Variants in PFAS observed in about 807,000 individuals in gnomAD.
The protein encoded by PFAS is FGAM synthase.
A neutral mutation model predicts 140.6 loss-of-function variants in PFAS; 97 were observed. That is an observed-to-expected ratio of 0.69 (90% CI 0.59 to 0.82). PFAS has a LOEUF of 0.82. Ranked by LOEUF, PFAS falls within the 40% of genes least tolerant of loss-of-function variation. The probability of loss-of-function intolerance (pLI) is 0.00; values close to 1 mark genes in which losing one functional copy is unlikely to be tolerated. For synonymous variants in PFAS, 679 were observed against 718.8 expected (o/e 0.94, Z 0.88); for missense variants, 1,656 against 1,780.2 (o/e 0.93, Z 1.26).
Position 8,258,130 on chromosome 17 carries a change from C to T in PFAS, c.1267C>T (p.Pro423Ser), listed in dbSNP as rs1989448715. 1 of 1,614,098 alleles carries T rather than the reference C, an allele frequency of 6.2e-7. No individual in the cohort carries two copies. ...PDGQRREWIK[P>S]IMFSGGIGSM... ...CGGCCAGCGGCGTGAGTGGATCAAG[C>T]CCATCATGTTTAGTGGGGGCATTGG... The change falls in exon 11 of 28, where the codon CCC (proline) becomes TCC (serine). Residue 423 changes from proline to serine, a missense_variant. Physicochemically the swap from Pro to Ser is moderately conservative, Grantham distance 74. Around this residue, in one of 2 missense-constraint regions of PFAS, gnomAD observed 773 missense variants for 757.3 expected, o/e 1.02. Coordinates refer to ENST00000314666, the MANE Select transcript of PFAS (RefSeq NM_012393.3).
At position 8,267,271 on chromosome 17, in the gene PFAS, G is replaced by A. The variant is rs776280989; in HGVS notation, c.3175+36G>A. 3 of 1,591,504 alleles carry A rather than the reference G, an allele frequency of 1.9e-6. No individual in the cohort carries two copies. The highest frequency in any genetic ancestry group is 2.6e-6 in the Non-Finnish European group (3 of 1,161,332). ...GTGTGCAGAGGCTCCGCGTCCTGGG[G>A]GCACTGAGCCTGGATGCCTGGGCCT... On this transcript the variant is annotated intron_variant, in intron 24 of 27. Transcript: ENST00000314666. The surrounding 1 kb of genome is among the most constrained non-coding windows in gnomAD (Gnocchi z 4.9).
rs1287176161 is a variant in PFAS at position 8,255,544 on chromosome 17, G to T, written c.427G>T (p.Ala143Ser). 6.5e-7 allele frequency: 1 copy of T among 1,534,934 alleles called. No homozygotes were observed. Among genetic ancestry groups the T allele is most frequent in the Non-Finnish European group, 8.7e-7 (1 of 1,147,138 alleles). Reference protein sequence around the residue: ...PSAEVEAIALATLHDRMTEQH... With the variant: ...PSAEVEAIALSTLHDRMTEQH... ...AGCTGAGGTGGAAGCCATTGCTCTG[G>T]CTACCCTGCACGACCGGATGACAGA... The change falls in exon 5 of 28, where the codon GCT (alanine) becomes TCT (serine). Residue 143 changes from alanine (A) to serine (S), a missense_variant. Ala to Ser is a moderately conservative substitution (Grantham distance 99). Around this residue, in one of 2 missense-constraint regions of PFAS, gnomAD observed 773 missense variants for 757.3 expected, o/e 1.02. Transcript: ENST00000314666.
chr17:8,263,631 T>A lies in PFAS; in HGVS notation c.1624T>A (p.Phe542Ile), dbSNP rs1321360879. Reference sequence around the variant, plus strand: ...TGGAGCCATCATTTACACCAGCCGCTTCCAGGTGGGTCTCGTCCCCTGAAG... The same window carrying A: ...TGGAGCCATCATTTACACCAGCCGCATCCAGGTGGGTCTCGTCCCCTGAAG... Reference protein sequence around the residue: ...PAGAIIYTSRFQLGDPTLNAL... With the variant: ...PAGAIIYTSRIQLGDPTLNAL... Residue 542 changes from phenylalanine to isoleucine, a missense_variant, in exon 14 of 28, where the codon TTC (phenylalanine) becomes ATC (isoleucine). Physicochemically the swap from Phe to Ile is conservative, Grantham distance 21. Transcript: ENST00000314666. 1.2e-6 allele frequency: 2 copies of A among 1,613,718 alleles called. No individual in the cohort carries two copies. The highest frequency in any genetic ancestry group is 2.2e-5 in the East Asian group (1 of 44,890).
chr17:8,264,503 C>T lies in PFAS; in HGVS notation c.1951C>T (p.Gln651Ter), dbSNP rs1181691902. ...FFLQRKPPML[Q>*]PLALPPGLSV... Reference sequence around the variant, plus strand: ...CCTGCAGAGGAAGCCCCCCATGCTGCAGCCTCTGGCCTTGCCCCCAGGGCT... The same window carrying T: ...CCTGCAGAGGAAGCCCCCCATGCTGTAGCCTCTGGCCTTGCCCCCAGGGCT... The change falls in exon 17 of 28, where the codon CAG becomes TAG. Residue 651 changes from glutamine to a stop codon, truncating the protein, a stop_gained. Transcript: ENST00000314666. LOFTEE classifies it high-confidence loss of function. The T allele has an allele frequency of 6.2e-7, 1 of 1,613,776 alleles. No individual in the cohort carries two copies. Among genetic ancestry groups the T allele is most frequent in the East Asian group, 2.2e-5 (1 of 44,880 alleles).
intron 20 of PFAS, 47 bp from the exon 21 acceptor site, chr17:8,265,815 G>C: frequency 6.6e-7 from 1 of 1,506,848 alleles, no homozygotes; most frequent in Non-Finnish European, 9.1e-7. Context: ...TCAGGGATGG[G>C]TCCTCCTGAG....
In PFAS at chr17:8,254,257, G is replaced by A. The variant is rs147766716; in HGVS notation, c.234G>A (p.Trp78Ter). 2.5e-6 allele frequency: 4 copies of A among 1,614,076 alleles called. No homozygotes were observed. The highest frequency in any genetic ancestry group is 3.4e-6 in the Non-Finnish European group (4 of 1,179,984). Residue 78 changes from tryptophan to a stop codon, truncating the protein, a stop_gained, in exon 3 of 28, where the codon TGG (tryptophan) becomes TGA (stop). Transcript: ENST00000314666. LOFTEE classifies it high-confidence loss of function. ...TGGATGATGTTGCTCGGGAGTCCTG[G>A]CTCCTTCCTGGCTCCAATGACCTGC... ...LLLDDVARES[W>*]LLPGSNDLLL... is the part of the protein sequence containing the mutation.
chr17:8,260,840 G>T (rs1023400882), intron 11 of PFAS, among the ~76,000 whole-genome samples: 1 of 152,154 alleles, frequency 6.6e-6, no homozygotes, highest in Non-Finnish European at 1.5e-5. Context: ...TAGCCAGGGT[G>T]GTCTCTATCT....
At chr17:8,256,690 A>G (rs1298863618) in intron 8 of PFAS, 42 bp downstream of exon 8, 1 of 1,607,638 alleles carries the variant, frequency 6.2e-7, no homozygotes, top group Non-Finnish European at 8.5e-7. Context: ...ATCACAGAAT[A>G]GGGTAGGGCA....
At chr17:8,248,077 C>T (rs778089427), upstream of PFAS, 23 of 333,478 alleles carry the variant, frequency 6.9e-5, no homozygotes, top group East Asian at 2.0e-3. Context: ...CAGGTGCTCG[C>T]TTGGGGGTGG....
chr17:8,248,117 T>A (rs1202358273), upstream of PFAS: 2 of 1,023,012 alleles, frequency 2.0e-6, no homozygotes, highest in Non-Finnish European at 3.0e-6. Flanking sequence ...CTCGGTGACG[T>A]CACCGGTGAG....
In PFAS at chr17:8,267,466, G is replaced by A. The variant is rs1417445989; in HGVS notation, c.3267+3G>A. 3.1e-6 allele frequency: 5 copies of A among 1,613,322 alleles called. No individual in the cohort carries two copies. The African/African-American group carries it at 5.3e-5, about 17-fold the overall frequency. ...CCTTCCACTTAGCTGGGTTTGAGGT[G>A]AGCAGGGTAGGGGGCAGCTGGGGGT... On this transcript the variant is annotated splice_donor_region_variant and intron_variant, in intron 25 of 27. Transcript: ENST00000314666. The surrounding 1 kb of genome is among the most constrained non-coding windows in gnomAD (Gnocchi z 4.9).
At chr17:8,257,444 T>C (rs971096166) in intron 9 of PFAS, among the ~76,000 whole-genome samples, 1 of 152,004 alleles carries the variant, frequency 6.6e-6, no homozygotes, top group African/African-American at 2.4e-5. Context: ...TAGTCCCAGC[T>C]ACTCAGGAGG....
intron 1 of PFAS, among the ~76,000 whole-genome samples, chr17:8,251,313 GCT>G (rs1248913447): frequency 6.6e-6 from 1 of 152,060 alleles, no homozygotes; most frequent in African/African-American, 2.4e-5. Context: ...ACGGGGTCTT[GCT>G]CTGTCACCCA....
At position 8,265,009 on chromosome 17, in the gene PFAS, G is replaced by A; in HGVS notation, c.2164G>A (p.Ala722Thr). The change falls in exon 18 of 28, where the codon GCC (alanine) becomes ACC (threonine). Residue 722 changes from alanine (A) to threonine (T), a missense_variant. Coordinates refer to ENST00000314666, the MANE Select transcript of PFAS (RefSeq NM_012393.3). ...GAGCCATGAGGAGCTCATAGGGGCT[G>A]CCACAGCCTTGGGAGAACAGCCAGT... ...ALSHEELIGA[A>T]TALGEQPVKS... 3 of 1,613,628 alleles carry A rather than the reference G, an allele frequency of 1.9e-6. No individual in the cohort carries two copies. The highest frequency in any genetic ancestry group is 2.5e-6 in the Non-Finnish European group (3 of 1,179,950).
At chr17:8,263,475 A>G in intron 13 of PFAS, 100 bp from the exon 14 acceptor site, 1 of 1,137,216 alleles carries the variant, frequency 8.8e-7, no homozygotes. Flanking sequence ...CAGTTGACAC[A>G]GGAACACACC....
upstream of PFAS, chr17:8,247,785 C>CCA (rs1988882223): frequency 6.8e-6 from 4 of 586,472 alleles, no homozygotes; most frequent in Admixed American, 6.0e-5. Flanking sequence ...AGAGAGTGAA[C>CCA]GGAGACCAGT....
In PFAS at chr17:8,269,263, G is replaced by A; in HGVS notation, c.4016G>A (p.Ter1339=). 6.2e-7 allele frequency: 1 copy of A among 1,600,926 alleles called. No individual in the cohort carries two copies. Among genetic ancestry groups the A allele is most frequent in the Non-Finnish European group, 8.5e-7 (1 of 1,171,610 alleles). The stretch of plus-strand genomic sequence containing the variant: ...AACTGGACCCTGGAAGGGAGCTGCT[G>A]ACTGGCCACAGGGGCTCACCTGGGC... ...ARNWTLEGSC[*] The change falls in exon 28 of 28, where the codon TGA becomes TAA. Residue 1339 remains the stop codon, a stop_retained_variant. Transcript: ENST00000314666.
In PFAS at chr17:8,257,800, C is replaced by G; in HGVS notation, c.1076-7C>G. 3.1e-6 allele frequency: 5 copies of G among 1,613,814 alleles called. No homozygotes were observed. Among genetic ancestry groups the G allele is most frequent in the Non-Finnish European group, 4.2e-6 (5 of 1,179,712 alleles). On this transcript the variant is annotated splice_polypyrimidine_tract_variant and splice_region_variant and intron_variant, in intron 9 of 27. Transcript: ENST00000314666. ...AGTTCATCCAGTTCTCTCTCCTTCC[C>G]TCCCAGGTTACAATCTGCCCTGGGA... is the stretch of plus-strand genomic sequence containing the variant.
Position 8,267,185 on chromosome 17 carries a change from G to A in PFAS, c.3125G>A (p.Ser1042Asn). 1 of 1,606,278 alleles carries A rather than the reference G, an allele frequency of 6.2e-7. No homozygotes were observed. The highest frequency in any genetic ancestry group is 8.5e-7 in the Non-Finnish European group (1 of 1,177,146). ...GGCCTGAGGGAGCGGATGGGGCCCA[G>A]CTATTGCCTGCCCCCCACCTTTCCC... The part of the protein sequence containing the change: ...ERGLRERMGP[S>N]YCLPPTFPKA... Residue 1042 changes from serine to asparagine, a missense_variant, in exon 24 of 28, where the codon AGC becomes AAC. By Grantham distance (46) the Ser-to-Asn change is conservative. Around this residue, in one of 2 missense-constraint regions of PFAS, gnomAD observed 883 missense variants for 1,023.0 expected, o/e 0.86. Transcript: ENST00000314666. This position sits in a 1 kb window ranked among gnomAD's most constrained non-coding sequence, Gnocchi z 4.9.
Sources: gnomAD v4.1 joint callset for allele counts (sites outside exome capture counted in the v4.1 genomes callset) on GRCh38, gnomAD v4.1.1 for gene constraint, gnomAD v4.1.1 regional missense constraint, Gnocchi (gnomAD v3.1) non-coding constraint, MANE v1.5 for transcripts, NCBI Gene and HGNC (gene_info 2026-07-23, HGNC 2026-07-21) for gene names.